The following HTR4 variants were observed in gnomAD, a reference collection of about 807,000 sequenced individuals.
HTR4 encodes the protein 5-hydroxytryptamine (serotonin) receptor 4, G protein-coupled.
A neutral mutation model predicts 36.8 loss-of-function variants in HTR4; 16 were observed. The observed-to-expected ratio is 0.43, with a 90% CI of 0.29 to 0.66. HTR4 has a LOEUF of 0.66. Among genes scored for constraint, HTR4 ranks in the 30% least tolerant of loss-of-function variants. The pLI, the probability that HTR4 is intolerant of heterozygous loss-of-function variation, is 0.13. For synonymous variants in HTR4, 189 were observed against 185.1 expected, an observed-to-expected ratio of 1.02 and a Z score of -0.17; for missense variants, 438 against 490.9, an observed-to-expected ratio of 0.89 and a Z score of 1.02.
intron 6 of HTR4, among the ~76,000 whole-genome samples, chr5:148,487,798 A>T (rs543459091): frequency 2.0e-5 from 3 of 152,234 alleles, no homozygotes; most frequent in African/African-American, 7.2e-5. Flanking sequence ...GTAGAGAGAA[A>T]TCACAGGCAG....
intron 5 of HTR4, chr5:148,451,398 A>G: frequency 6.6e-7 from 1 of 1,506,210 alleles, no homozygotes; most frequent in African/African-American, 1.4e-5. Flanking sequence ...GTGAAGTGGG[A>G]GTGGGGATGG....
intron 2 of HTR4, among the ~76,000 whole-genome samples, chr5:148,619,676 C>G (rs537008552): frequency 6.2e-4 from 95 of 152,230 alleles, no homozygotes; most frequent in African/African-American, 2.3e-3. Flanking sequence ...ACTGAAAATC[C>G]ACAGAGGAGG....
At position 148,463,400 on chromosome 5, in the gene HTR4, T is replaced by G. The variant is rs1233074830; in HGVS notation, c.1077-12128A>C. 2.6e-5 allele frequency among the ~76,000 whole-genome samples: 4 copies of G among 151,578 alleles called. No homozygotes were observed. In the East Asian group the frequency reaches 7.7e-4, roughly 29 times the overall value. ...TTTCACCACGTTGGCCAGGATGGTCTCCATCTCCTGACCTCGTGATCCACC... is the reference window on the plus strand; with the variant it reads ...TTTCACCACGTTGGCCAGGATGGTCGCCATCTCCTGACCTCGTGATCCACC... On this transcript the variant is annotated intron_variant, in intron 5 of 5. Coordinates refer to the HTR4 transcript ENST00000521530.
intron 6 of HTR4, among the ~76,000 whole-genome samples, chr5:148,502,781 T>C (rs1213274284): frequency 6.6e-6 from 1 of 152,076 alleles, no homozygotes; most frequent in Non-Finnish European, 1.5e-5. Flanking sequence ...GAATAACCAG[T>C]GTGGAGTAGT....
chr5:148,576,571 A>C (rs1200431175), intron 2 of HTR4, among the ~76,000 whole-genome samples: 1 of 152,136 alleles, frequency 6.6e-6, no homozygotes, highest in Non-Finnish European at 1.5e-5. Context: ...TTCAAACTCC[A>C]CTACAGGGCT....
chr5:148,589,080 A>G (rs1212215385), intron 2 of HTR4, among the ~76,000 whole-genome samples: 1 of 152,024 alleles, frequency 6.6e-6, no homozygotes, highest in Non-Finnish European at 1.5e-5. Context: ...ATAACCCACA[A>G]TCTATTTTTT....
chr5:148,613,764 T>C (rs9765088), intron 2 of HTR4, among the ~76,000 whole-genome samples: 16,202 of 148,170 alleles, frequency 0.11, 1,004 homozygotes, highest in East Asian at 0.32. Flanking sequence ...GATGACATGA[T>C]TGTATATCTA....
chr5:148,477,496 C>G (rs1755736852), downstream of HTR4, among the ~76,000 whole-genome samples: 1 of 152,116 alleles, frequency 6.6e-6, no homozygotes, highest in Non-Finnish European at 1.5e-5. Context: ...TGGATCAAGT[C>G]CCCTTAGATT....
chr5:148,490,433 T>C (rs17720465), intron 6 of HTR4, among the ~76,000 whole-genome samples: 45,326 of 151,814 alleles, frequency 0.3, 7,272 homozygotes, highest in Non-Finnish European at 0.37. Context: ...TTCTCATTAG[T>C]AATATTTCCA....
intron 1 of HTR4, among the ~76,000 whole-genome samples, chr5:148,644,421 A>ATTTTTTTTTTTTT (rs1753815914): frequency 2.3e-5 from 2 of 85,850 alleles, no homozygotes; most frequent in African/African-American, 9.0e-5. Context: ...CAAGCTCACA[A>ATTTTTTTTTTTTT]GTTTTTTTTT....
At chr5:148,451,038 C>G in exon 6 of HTR4, 1 of 1,380,368 alleles carries the variant, frequency 7.2e-7, no homozygotes, top group Non-Finnish European at 9.9e-7. Flanking sequence ...CCCCCCAACA[C>G]TGTCCTCCAT....
At chr5:148,590,847 GT>G (rs1235055203) in intron 2 of HTR4, among the ~76,000 whole-genome samples, 1 of 151,354 alleles carries the variant, frequency 6.6e-6, no homozygotes, top group African/African-American at 2.4e-5. Flanking sequence ...CATACCACTT[GT>G]CAATTTTTGC....
chr5:148,527,078 T>C (rs1231861537), intron 4 of HTR4, among the ~76,000 whole-genome samples: 4 of 152,158 alleles, frequency 2.6e-5, no homozygotes, highest in Non-Finnish European at 4.4e-5. Flanking sequence ...GTGATGGATA[T>C]CCCAACTACC....
chr5:148,626,606 A>C (rs1753117892), intron 2 of HTR4, among the ~76,000 whole-genome samples: 1 of 152,224 alleles, frequency 6.6e-6, no homozygotes, highest in South Asian at 2.1e-4. Context: ...TCAGATCAGA[A>C]AGGTGACAGT....
rs1757411828 is a variant in HTR4, at chr5:148,509,844, G to T, written c.688C>A (p.Gln230Lys). ...CTCTCGGAGGAGGCTCCTGCCCGTT[G>T]TAACATCTGGATCTGATGGGCATGC... ...KEHAHQIQML[Q>K]RAGASSESRP... Residue 230 changes from glutamine (Q) to lysine (K), a missense_variant, in exon 6 of 7, where the codon CAA becomes AAA. Coordinates refer to ENST00000377888, the MANE Select transcript of HTR4 (RefSeq NM_000870.7). 2 of 1,614,014 alleles carry T rather than the reference G, an allele frequency of 1.2e-6. No individual in the cohort carries two copies. Among genetic ancestry groups the T allele is most frequent in the Non-Finnish European group, 1.7e-6 (2 of 1,180,000 alleles).
At chr5:148,553,504 G>A (rs1341438568) in intron 2 of HTR4, among the ~76,000 whole-genome samples, 1 of 152,200 alleles carries the variant, frequency 6.6e-6, no homozygotes, top group Non-Finnish European at 1.5e-5. Flanking sequence ...TCTCCCAAGT[G>A]ACTCTGATGT....
chr5:148,650,806 A>G (rs1466787730), intron 1 of HTR4, among the ~76,000 whole-genome samples: 2 of 152,200 alleles, frequency 1.3e-5, no homozygotes, highest in Non-Finnish European at 2.9e-5. Flanking sequence ...AAAATGAGAG[A>G]AATCACATTT....
intron 6 of HTR4, among the ~76,000 whole-genome samples, chr5:148,506,454 T>G (rs4282303): frequency 0.25 from 37,325 of 151,930 alleles, 5,546 homozygotes; most frequent in Non-Finnish European, 0.34. Flanking sequence ...ATTCGGGACA[T>G]AGGAATGGGC....
chr5:148,631,626 TAATC>T (rs1418962252), intron 2 of HTR4, among the ~76,000 whole-genome samples: 2 of 152,186 alleles, frequency 1.3e-5, no homozygotes, highest in Non-Finnish European at 2.9e-5. Context: ...TTACCAGTAT[TAATC>T]AACCCCAAAA....
Sources: gnomAD v4.1 joint callset for allele counts (sites outside exome capture counted in the v4.1 genomes callset) on GRCh38, gnomAD v4.1.1 for gene constraint, MANE v1.5 for transcripts, NCBI Gene and HGNC (gene_info 2026-07-23, HGNC 2026-07-21) for gene names.